Variants in MMAB observed in about 807,000 individuals in gnomAD.
MMAB encodes corrinoid adenosyltransferase MMAB.
A neutral mutation model predicts 30.6 loss-of-function variants in MMAB; 17 were observed. The ratio of observed to expected loss-of-function variants is 0.56; its 90% confidence interval spans 0.38 to 0.83. The LOEUF is 0.83. Ranked by LOEUF, MMAB falls within the 40% of genes least tolerant of loss-of-function variation. The pLI is 0.00. For missense variants in MMAB, 311 were observed against 331.6 expected (o/e 0.94, Z 0.48); for synonymous variants, 134 against 138.6 (o/e 0.97, Z 0.23).
chr12:109,557,821 G>A (rs1169320436), intron 8 of MMAB, among the ~76,000 whole-genome samples: 1 of 152,220 alleles, frequency 6.6e-6, no homozygotes, highest in Non-Finnish European at 1.5e-5. Context: ...GAGCACTCTA[G>A]AGACCAGAGC....
Position 109,557,080 on chromosome 12 carries a change from T to C in MMAB, c.701A>G (p.Gln234Arg). Residue 234 changes from glutamine (Q) to arginine (R), a missense_variant, in exon 9 of 9, where the codon CAA becomes CGA. Transcript: ENST00000545712. ...ARYAAMKEGN[Q>R]EKIYMKNDPS... is the part of the protein sequence containing the mutation. The stretch of plus-strand genomic sequence containing the variant: ...GTCATTTTTCATGTATATTTTCTCT[T>C]GATTCCCCTCCTTCATGGCTGCATA... 1.2e-6 allele frequency: 2 copies of C among 1,613,946 alleles called. No individual in the cohort carries two copies. Among genetic ancestry groups the C allele is most frequent in the South Asian group, 2.2e-5 (2 of 91,078 alleles).
chr12:109,555,829 C>T lies in MMAB; in HGVS notation c.*1199G>A, dbSNP rs769298597. 8.8e-6 allele frequency: 4 copies of T among 453,996 alleles called. No homozygotes were observed. Among genetic ancestry groups the T allele is most frequent in the East Asian group, 1.4e-4 (2 of 14,396 alleles). 28.1% of individuals were successfully genotyped at this position (453,996 alleles called of 1,614,324 possible). ...GTAAGAATGAAGGCAAAAATATGCA[C>T]GTGACTAAGAAGGTAATGTTTGCTG... On this transcript the variant is annotated 3_prime_UTR_variant, in exon 9 of 9. Transcript: ENST00000545712.
rs780296298 is a variant in MMAB, at chr12:109,559,049, A to G, written c.644+47T>C. 13 of 1,490,104 alleles carry G rather than the reference A, an allele frequency of 8.7e-6. No homozygotes were observed. In the African/African-American group the frequency reaches 9.7e-5, roughly 11 times the overall value. The allele number at this position is 1,490,104 out of a possible 1,614,324, so 92.3% of individuals were successfully genotyped here. On this transcript the variant is annotated intron_variant, in intron 8 of 8. Coordinates refer to ENST00000545712, the MANE Select transcript of MMAB (RefSeq NM_052845.4). ...GCTGCACCGCTGCTACTTCCCACAG[A>G]TGAGCCTCGGCTTTCAGAGAGGAAC...
At position 109,569,548 on chromosome 12, in the gene MMAB, T is replaced by C. The variant is rs1193749257; in HGVS notation, c.197-685A>G. On this transcript the variant is annotated intron_variant, in intron 2 of 8. Coordinates refer to ENST00000545712, the MANE Select transcript of MMAB (RefSeq NM_052845.4). This position sits in a 1 kb window ranked among gnomAD's most constrained non-coding sequence, Gnocchi z 4.1. Reference sequence around the variant, plus strand: ...ATTTTATATCATATATACATTACCATTATATTTCACATGAAGTCAAAGTCC... The same window carrying C: ...ATTTTATATCATATATACATTACCACTATATTTCACATGAAGTCAAAGTCC... Among the ~76,000 whole-genome samples, 1 of 152,206 alleles carries C rather than the reference T, an allele frequency of 6.6e-6. No homozygotes were observed. Among genetic ancestry groups the C allele is most frequent in the Non-Finnish European group, 1.5e-5 (1 of 68,034 alleles).
At position 109,554,770 on chromosome 12, in the gene MMAB, T is replaced by G; in HGVS notation, c.*2258A>C. On this transcript the variant is annotated 3_prime_UTR_variant, in exon 9 of 9. Transcript: ENST00000545712. ...TTTGCCTCGGGCTCTTGATAGAGCT[T>G]TTGAAAGGCACTGCAGAAGAGCAAA... 2 of 454,142 alleles carry G rather than the reference T, an allele frequency of 4.4e-6. No individual in the cohort carries two copies. The highest frequency in any genetic ancestry group is 8.8e-6 in the Non-Finnish European group (2 of 226,804). 28.1% of individuals were successfully genotyped at this position (454,142 alleles called of 1,614,324 possible). A position where few individuals can be genotyped will look rare whatever the true frequency, so the allele number is the denominator to read the frequency against.
At chr12:109,560,051 T>C (rs1592996842) in intron 7 of MMAB, among the ~76,000 whole-genome samples, 2 of 152,242 alleles carry the variant, frequency 1.3e-5, no homozygotes, top group East Asian at 3.8e-4. Flanking sequence ...GCCTTTGGGT[T>C]GTTTCCAGTT....
At chr12:109,560,918 G>A (rs1592997421) in intron 7 of MMAB, 122 bp downstream of exon 7, 1 of 979,498 alleles carries the variant, frequency 1.0e-6, no homozygotes, top group East Asian at 2.6e-5. Context: ...CCTGCCTCCT[G>A]CCCGCTGTGC....
intron 2 of MMAB, 92 bp downstream of exon 2, chr12:109,571,557 T>C (rs1161848505): frequency 8.0e-7 from 1 of 1,249,458 alleles, no homozygotes; most frequent in East Asian, 2.3e-5. Flanking sequence ...TGGTATATTA[T>C]ACTTTAAAGT....
chr12:109,555,741 G>A lies in MMAB; in HGVS notation c.*1287C>T. 2.2e-6 allele frequency: 1 copy of A among 454,010 alleles called. No individual in the cohort carries two copies. The highest frequency in any genetic ancestry group is 1.6e-5 in the South Asian group (1 of 64,466). The allele number at this position is 454,010 out of a possible 1,614,324, so 28.1% of individuals were successfully genotyped here. A position where few individuals can be genotyped will look rare whatever the true frequency, so the allele number is the denominator to read the frequency against. ...AGGGCCATCACAGCCTGTCAGCAAT[G>A]AAAGGACCCAGAAGACACAAGTGAA... On this transcript the variant is annotated 3_prime_UTR_variant, in exon 9 of 9. Transcript: ENST00000545712.
chr12:109,566,109 G>A (rs1010825297), intron 3 of MMAB, among the ~76,000 whole-genome samples: 8 of 152,210 alleles, frequency 5.3e-5, no homozygotes, highest in Admixed American at 3.3e-4. Flanking sequence ...TCAGCAGGGA[G>A]GGAGTTAGGT....
In MMAB at chr12:109,561,525, G is replaced by T; in HGVS notation, c.422-8C>A. The T allele has an allele frequency of 6.5e-7, 1 of 1,546,582 alleles. No individual in the cohort carries two copies. Among genetic ancestry groups the T allele is most frequent in the South Asian group, 1.2e-5 (1 of 83,970 alleles). On this transcript the variant is annotated splice_polypyrimidine_tract_variant and splice_region_variant and intron_variant, in intron 5 of 8. Transcript: ENST00000545712. This position sits in a 1 kb window ranked among gnomAD's most constrained non-coding sequence, Gnocchi z 5.3. ...CCTTGAACGTGGTATACTCTGAGGA[G>T]CCAAGGAGCAGAGGGAACTGCCATG...
Position 109,555,386 on chromosome 12 carries a change from G to T in MMAB, c.*1642C>A, listed in dbSNP as rs1176138840. On this transcript the variant is annotated 3_prime_UTR_variant, in exon 9 of 9. Coordinates refer to ENST00000545712, the MANE Select transcript of MMAB (RefSeq NM_052845.4). Reference sequence around the variant, plus strand: ...CAGCCTCTGCCTCGTAGGTTCAAGTGATTCTCCTGCCTCAGCCTCCTGAAT... The same window carrying T: ...CAGCCTCTGCCTCGTAGGTTCAAGTTATTCTCCTGCCTCAGCCTCCTGAAT... 2.4e-6 allele frequency: 1 copy of T among 416,788 alleles called. No homozygotes were observed. Among genetic ancestry groups the T allele is most frequent in the Non-Finnish European group, 4.6e-6 (1 of 216,646 alleles). The allele number at this position is 416,788 out of a possible 1,614,324, so 25.8% of individuals were successfully genotyped here.
At chr12:109,568,642 T>G in intron 3 of MMAB, 128 bp downstream of exon 3, 1 of 795,272 alleles carries the variant, frequency 1.3e-6, no homozygotes, top group Non-Finnish European at 2.3e-6. Flanking sequence ...GCTTCAGGGC[T>G]GAGGAAAGTT....
rs1428539449 is a variant in MMAB, at chr12:109,557,094, C to T, written c.687G>A (p.Met229Ile). 6.2e-7 allele frequency: 1 copy of T among 1,613,964 alleles called. No homozygotes were observed. Among genetic ancestry groups the T allele is most frequent in the East Asian group, 2.2e-5 (1 of 44,884 alleles). ...YLFTLARYAA[M>I]KEGNQEKIYM... The stretch of plus-strand genomic sequence containing the variant: ...ATATTTTCTCTTGATTCCCCTCCTT[C>T]ATGGCTGCATATCTGGCTAGCGTGA... Residue 229 changes from methionine (M) to isoleucine (I), a missense_variant, in exon 9 of 9, where the codon ATG becomes ATA. Transcript: ENST00000545712.
Position 109,554,011 on chromosome 12 carries a change from A to G in MMAB, c.*3017T>C. ...ATATTAGTTAAGGGAAACTAGGTTG[A>G]GAAATGAGACAGCAGGATCTATCAG... is the stretch of plus-strand genomic sequence containing the variant. On this transcript the variant is annotated 3_prime_UTR_variant, in exon 9 of 9. Transcript: ENST00000545712. The G allele has an allele frequency of 2.2e-6, 1 of 454,126 alleles. No homozygotes were observed. Among genetic ancestry groups the G allele is most frequent in the Non-Finnish European group, 4.4e-6 (1 of 226,792 alleles). 28.1% of individuals were successfully genotyped at this position (454,126 alleles called of 1,614,324 possible). A position where few individuals can be genotyped will look rare whatever the true frequency, so the allele number is the denominator to read the frequency against.
chr12:109,558,946 C>T lies in MMAB; in HGVS notation c.644+150G>A. On this transcript the variant is annotated intron_variant, in intron 8 of 8. Transcript: ENST00000545712. The surrounding 1 kb of genome is among the most constrained non-coding windows in gnomAD (Gnocchi z 4.3). ...CCCCTGTGCCCGGCGTGGTGCCTGG[C>T]ACAGAGCAGATGTTCATAAACACTA... 1 of 689,968 alleles carries T rather than the reference C, an allele frequency of 1.4e-6. No homozygotes were observed. The highest frequency in any genetic ancestry group is 2.8e-5 in the East Asian group (1 of 36,088). The allele number at this position is 689,968 out of a possible 1,614,324, so 42.7% of individuals were successfully genotyped here. A position where few individuals can be genotyped will look rare whatever the true frequency, so the allele number is the denominator to read the frequency against.
rs769048646 is a variant in MMAB, at chr12:109,573,467, C to A, written c.14G>T (p.Gly5Val). 1 of 1,605,020 alleles carries A rather than the reference C, an allele frequency of 6.2e-7. No individual in the cohort carries two copies. Residue 5 changes from glycine (G) to valine (V), a missense_variant, in exon 1 of 9, where the codon GGC becomes GTC. Gly to Val is a moderately radical substitution (Grantham distance 109). Transcript: ENST00000545712. ...CCCCAGGCCAAGACGGCTCCCCAGG[C>A]CGCACACAGCCATGAGCCAGGCTGC... is the stretch of plus-strand genomic sequence containing the variant. MAVC[G>V]LGSRLGLGSR...
Position 109,561,174 on chromosome 12 carries a change from T to A in MMAB, c.520-70A>T. The stretch of plus-strand genomic sequence containing the variant: ...TGCCCACTGCGGACAGGAGCTCCTC[T>A]GAAGTCCAGCCCTGCCCCCCAAACC... On this transcript the variant is annotated intron_variant, in intron 6 of 8. Coordinates refer to ENST00000545712, the MANE Select transcript of MMAB (RefSeq NM_052845.4). The surrounding 1 kb of genome is among the most constrained non-coding windows in gnomAD (Gnocchi z 5.3). 1.9e-6 allele frequency: 3 copies of A among 1,596,892 alleles called. No homozygotes were observed. The highest frequency in any genetic ancestry group is 2.6e-6 in the Non-Finnish European group (3 of 1,176,316).
chr12:109,563,975 C>A lies in MMAB; in HGVS notation c.348+1144G>T, dbSNP rs1805727664. On this transcript the variant is annotated intron_variant, in intron 4 of 8. Coordinates refer to ENST00000545712, the MANE Select transcript of MMAB (RefSeq NM_052845.4). ...TGAAGTTCTCTGCGTGGGTCAGAGG[C>A]CCCCTCCTTCTTAGGGAACAGAACA... is the stretch of plus-strand genomic sequence containing the variant. Among the ~76,000 whole-genome samples the A allele has an allele frequency of 2.6e-5, 4 of 152,224 alleles. No homozygotes were observed. In the South Asian group the frequency reaches 8.3e-4, roughly 31 times the overall value.
Sources: gnomAD v4.1 joint callset for allele counts (sites outside exome capture counted in the v4.1 genomes callset) on GRCh38, gnomAD v4.1.1 for gene constraint, Gnocchi (gnomAD v3.1) non-coding constraint, MANE v1.5 for transcripts, NCBI Gene and HGNC (gene_info 2026-07-23, HGNC 2026-07-21) for gene names.